The following SPON1 variants were observed in gnomAD, a reference collection of about 807,000 sequenced individuals.
SPON1 encodes spondin-1.
A neutral mutation model predicts 111.7 loss-of-function variants in SPON1; 52 were observed. The ratio of observed to expected loss-of-function variants is 0.47; its 90% confidence interval spans 0.37 to 0.59. SPON1 has a LOEUF of 0.59. Among genes scored for constraint, SPON1 ranks in the 20% least tolerant of loss-of-function variants. SPON1 has a pLI of 0.00. For synonymous variants in SPON1, 410 were observed against 395.8 expected (o/e 1.04, Z -0.43); for missense variants, 957 against 1,068.5 (o/e 0.90, Z 1.46).
At chr11:14,243,198 T>C (rs1848948119) in intron 6 of SPON1, 134 bp from the exon 7 acceptor site, 3 of 772,546 alleles carry the variant, frequency 3.9e-6, no homozygotes, top group Admixed American at 2.1e-5. Context: ...CAGAGAGAGG[T>C]GGCTGTACAC....
At chr11:14,229,607 G>A (rs2133910957) in intron 6 of SPON1, among the ~76,000 whole-genome samples, 1 of 152,230 alleles carries the variant, frequency 6.6e-6, no homozygotes, top group East Asian at 1.9e-4. Flanking sequence ...AACCCAGTAG[G>A]GAACAAGCTC....
chr11:14,052,294 G>T (rs1464024002), intron 3 of SPON1, among the ~76,000 whole-genome samples: 18 of 152,210 alleles, frequency 1.2e-4, no homozygotes, highest in African/African-American at 4.1e-4. Context: ...ATTTCGTAGG[G>T]CTCACTAACT....
intron 2 of SPON1, among the ~76,000 whole-genome samples, chr11:14,025,592 C>T (rs1166071661): frequency 6.6e-6 from 1 of 152,174 alleles, no homozygotes; most frequent in Non-Finnish European, 1.5e-5. Context: ...TTTTCACAAA[C>T]CTTCCAGGTG....
chr11:14,212,272 T>C (rs945155852), intron 6 of SPON1, among the ~76,000 whole-genome samples: 3 of 152,198 alleles, frequency 2.0e-5, no homozygotes, highest in Non-Finnish European at 4.4e-5. Context: ...ATCCATTAGA[T>C]CTGTATGCCT....
At chr11:14,081,347 C>G (rs993889053) in intron 5 of SPON1, among the ~76,000 whole-genome samples, 6 of 152,160 alleles carry the variant, frequency 3.9e-5, no homozygotes, top group African/African-American at 1.4e-4. Context: ...ACCAAATAGT[C>G]ATGCAGAAAG....
chr11:14,220,150 T>C (rs1471506558), intron 6 of SPON1, among the ~76,000 whole-genome samples: 2 of 152,038 alleles, frequency 1.3e-5, no homozygotes, highest in Non-Finnish European at 2.9e-5. Flanking sequence ...CCCATAAGTT[T>C]ACATAAAGTC....
chr11:14,014,641 C>T (rs1290342364), intron 2 of SPON1, among the ~76,000 whole-genome samples: 1 of 152,106 alleles, frequency 6.6e-6, no homozygotes, highest in Non-Finnish European at 1.5e-5. Context: ...ATCCTACTGT[C>T]GGGCATTTGC....
At chr11:14,007,075 G>T (rs968705989) in intron 2 of SPON1, among the ~76,000 whole-genome samples, 13 of 152,134 alleles carry the variant, frequency 8.5e-5, no homozygotes, top group African/African-American at 3.1e-4. Context: ...TCCATGGGCT[G>T]CAGTAGGGGG....
At chr11:14,169,079 T>C (rs1848067063) in intron 6 of SPON1, among the ~76,000 whole-genome samples, 1 of 152,258 alleles carries the variant, frequency 6.6e-6, no homozygotes, top group Non-Finnish European at 1.5e-5. Context: ...ATCACCACAC[T>C]GACTTCCACA....
chr11:13,980,272 C>T (rs192930592), intron 1 of SPON1, among the ~76,000 whole-genome samples: 5 of 152,138 alleles, frequency 3.3e-5, no homozygotes, highest in Non-Finnish European at 7.4e-5. Context: ...GAACCCTGGC[C>T]TCAAGTGATC....
At chr11:14,084,063 A>T (rs1848985663) in intron 5 of SPON1, among the ~76,000 whole-genome samples, 1 of 152,220 alleles carries the variant, frequency 6.6e-6, no homozygotes, top group Admixed American at 6.5e-5. Context: ...CACAGAAAAA[A>T]TAAAAATATG....
chr11:14,126,779 C>A (rs909686702), intron 5 of SPON1, among the ~76,000 whole-genome samples: 3 of 152,172 alleles, frequency 2.0e-5, no homozygotes, highest in Non-Finnish European at 4.4e-5. Context: ...GCTTTAACCT[C>A]GTCTCCTTTT....
At chr11:13,993,903 C>T (rs1848250836) in intron 2 of SPON1, among the ~76,000 whole-genome samples, 1 of 152,138 alleles carries the variant, frequency 6.6e-6, no homozygotes, top group Non-Finnish European at 1.5e-5. Flanking sequence ...TTAAGTCCTT[C>T]AGGCATCAAC....
intron 2 of SPON1, among the ~76,000 whole-genome samples, chr11:14,005,103 T>C (rs1554912951): frequency 6.6e-6 from 1 of 152,244 alleles, no homozygotes; most frequent in Non-Finnish European, 1.5e-5. Flanking sequence ...TTTATTTTAT[T>C]TTTGTAGCAT....
chr11:14,229,068 A>G (rs1268144843), intron 6 of SPON1, among the ~76,000 whole-genome samples: 1 of 152,196 alleles, frequency 6.6e-6, no homozygotes, highest in African/African-American at 2.4e-5. Flanking sequence ...TACCTGTGAT[A>G]TCTCCGTGGT....
chr11:14,107,861 A>G (rs1849197474), intron 5 of SPON1, among the ~76,000 whole-genome samples: 2 of 152,306 alleles, frequency 1.3e-5, no homozygotes, highest in South Asian at 2.1e-4. Context: ...CATATTGTAT[A>G]TAGTTTGAAC....
intron 6 of SPON1, among the ~76,000 whole-genome samples, chr11:14,196,812 G>A (rs1489411385): frequency 6.6e-6 from 1 of 152,210 alleles, no homozygotes; most frequent in African/African-American, 2.4e-5. Context: ...CCCTTTGGGA[G>A]GCTGAGGTGA....
intron 6 of SPON1, among the ~76,000 whole-genome samples, chr11:14,160,739 A>ATATAT (rs1333343096): frequency 0.74 from 18,576 of 25,184 alleles, 7,039 homozygotes; most frequent in Middle Eastern, 0.86. Context: ...ATATATATTT[A>ATATAT]ATTTATATAT....
At chr11:14,209,002 T>C (rs1848545004) in intron 6 of SPON1, among the ~76,000 whole-genome samples, 2 of 152,260 alleles carry the variant, frequency 1.3e-5, no homozygotes, top group African/African-American at 2.4e-5. Context: ...TGTCAAGTTA[T>C]AAAAATAAGT....
Sources: allele counts gnomAD v4.1 joint callset (sites outside exome capture counted in the v4.1 genomes callset), GRCh38; gene constraint gnomAD v4.1.1; transcripts MANE v1.5; gene names NCBI Gene and HGNC (gene_info 2026-07-23, HGNC 2026-07-21).